ISCA1: variants seen among roughly 807,000 people sequenced by gnomAD.
ISCA1 encodes the protein iron-sulfur cluster assembly 1.
A neutral mutation model predicts 14.7 loss-of-function variants in ISCA1; 9 were observed. The observed-to-expected ratio is 0.61, with a 90% confidence interval of 0.37 to 1.07. The LOEUF (loss-of-function observed/expected upper bound fraction) is 1.07, where lower values mean the gene tolerates loss of function less well. Among genes scored for constraint, ISCA1 ranks in the 50% least tolerant of loss-of-function variants. ISCA1 has a pLI of 0.01. For missense variants in ISCA1, 102 were observed against 150.1 expected (o/e 0.68, Z 1.67); for synonymous variants, 38 against 54.3 (o/e 0.70, Z 1.32).
Position 86,282,502 on chromosome 9 carries a change from C to G in ISCA1, c.-44G>C, listed in dbSNP as rs1195493196. ...CCGGTGCCTCGGGCCGAAGGTCGGC[C>G]GCCTCAGCTTCTCTCCATGGACACG... is the stretch of plus-strand genomic sequence containing the variant. On this transcript the variant is annotated 5_prime_UTR_variant, in exon 1 of 4. Transcript: ENST00000375991. 6.5e-7 allele frequency: 1 copy of G among 1,549,760 alleles called. No individual in the cohort carries two copies. The highest frequency in any genetic ancestry group is 8.7e-7 in the Non-Finnish European group (1 of 1,146,684).
intron 1 of ISCA1, among the ~76,000 whole-genome samples, chr9:86,275,690 C>T (rs1402715229): frequency 6.6e-6 from 1 of 152,184 alleles, no homozygotes; most frequent in Non-Finnish European, 1.5e-5. Flanking sequence ...TTACATGTCA[C>T]TGTAAAAAAA....
rs12339970 is a variant in ISCA1, at chr9:86,282,237, G to C, written c.81+141C>G. ...GGGCCGGAGGCGAAGGAGGCGGCGA[G>C]GCTGTGCGGCGGGTCGGAGCGACGC... is the stretch of plus-strand genomic sequence containing the variant. On this transcript the variant is annotated intron_variant, in intron 1 of 3. Transcript: ENST00000375991. The C allele has an allele frequency of 4.2e-4, 365 of 870,528 alleles. 2 individuals are homozygous for C. In the African/African-American group the frequency reaches 5.5e-3, roughly 13 times the overall value. The allele number at this position is 870,528 out of a possible 1,614,324, so 53.9% of individuals were successfully genotyped here. A position where few individuals can be genotyped will look rare whatever the true frequency, so the allele number is the denominator to read the frequency against.
chr9:86,278,358 T>C (rs950175792), intron 1 of ISCA1, among the ~76,000 whole-genome samples: 4 of 152,152 alleles, frequency 2.6e-5, no homozygotes, highest in African/African-American at 7.2e-5. Flanking sequence ...CCAAAATACA[T>C]ATAATATACA....
intron 3 of ISCA1, among the ~76,000 whole-genome samples, chr9:86,271,142 G>C (rs1825364159): frequency 6.6e-6 from 1 of 151,894 alleles, no homozygotes; most frequent in Admixed American, 6.6e-5. Flanking sequence ...CTTTGTTTAG[G>C]TACGTTTACA....
At chr9:86,277,194 C>T (rs1825449216) in intron 1 of ISCA1, among the ~76,000 whole-genome samples, 1 of 152,188 alleles carries the variant, frequency 6.6e-6, no homozygotes, top group South Asian at 2.1e-4. Context: ...GTCTACTTAT[C>T]ACCAAGTTGC....
At chr9:86,270,903 T>C (rs1271623028) in intron 3 of ISCA1, among the ~76,000 whole-genome samples, 1 of 128,650 alleles carries the variant, frequency 7.8e-6, no homozygotes, top group Admixed American at 9.3e-5. Context: ...TGAGAACACA[T>C]GGACACAGGA....
intron 3 of ISCA1, among the ~76,000 whole-genome samples, chr9:86,267,964 C>T (rs1393280573): frequency 6.6e-6 from 1 of 151,644 alleles, no homozygotes. Flanking sequence ...TGTAAACAAA[C>T]CTATACTGCC....
Position 86,266,043 on chromosome 9 carries a change from T to A in ISCA1, c.390A>T (p.Ter130CysextTer34). The change falls in exon 4 of 4, where the codon TGA becomes TGT. Residue 130 changes from the stop codon to cysteine (C), a stop_lost. Transcript: ENST00000375991. ...CTACGGCCAGAAGAGTCCTGAGATT[T>A]CAAATATTAAAGCTTTCTCCACAGC... The part of the protein sequence containing the change: ...TCGCGESFNI[*>C] 6.2e-7 allele frequency: 1 copy of A among 1,611,828 alleles called. No individual in the cohort carries two copies. Among genetic ancestry groups the A allele is most frequent in the Non-Finnish European group, 8.5e-7 (1 of 1,179,790 alleles).
chr9:86,280,472 T>G (rs1271432747), intron 1 of ISCA1, among the ~76,000 whole-genome samples: 1 of 151,604 alleles, frequency 6.6e-6, no homozygotes, highest in Non-Finnish European at 1.5e-5. Context: ...GGTGGGCGTC[T>G]GTAATCCCAG....
At chr9:86,270,558 A>G (rs1389928771) in intron 3 of ISCA1, among the ~76,000 whole-genome samples, 3 of 151,454 alleles carry the variant, frequency 2.0e-5, no homozygotes, top group African/African-American at 4.8e-5. Flanking sequence ...ATCTAGAACT[A>G]GAAATACCAT....
intron 3 of ISCA1, chr9:86,267,470 A>G: frequency 1.0e-6 from 1 of 969,410 alleles, no homozygotes; most frequent in Non-Finnish European, 1.2e-6. Flanking sequence ...TGTAGGTAAG[A>G]ACTGCAAGCT....
intron 3 of ISCA1, among the ~76,000 whole-genome samples, chr9:86,270,928 T>A (rs1212824924): frequency 8.5e-6 from 1 of 117,422 alleles, no homozygotes; most frequent in African/African-American, 3.4e-5. Context: ...AACATCACAC[T>A]CTGGGGACTG....
At chr9:86,267,445 G>T (rs1587817421) in intron 3 of ISCA1, 9 of 952,376 alleles carry the variant, frequency 9.5e-6, no homozygotes, top group Non-Finnish European at 1.1e-5. Flanking sequence ...TAGGAATCTA[G>T]GCCTCATTCT....
At chr9:86,273,058 T>C (rs898360065) in intron 2 of ISCA1, among the ~76,000 whole-genome samples, 2 of 152,238 alleles carry the variant, frequency 1.3e-5, no homozygotes, top group Non-Finnish European at 2.9e-5. Flanking sequence ...AGCCGAATTC[T>C]TGTTTCATTA....
chr9:86,278,735 T>A (rs1383327284), intron 1 of ISCA1, among the ~76,000 whole-genome samples: 1 of 152,200 alleles, frequency 6.6e-6, no homozygotes, highest in East Asian at 1.9e-4. Flanking sequence ...TGAAACAATT[T>A]AACAAATTAT....
At chr9:86,279,174 T>C (rs1344954947) in intron 1 of ISCA1, among the ~76,000 whole-genome samples, 5 of 152,202 alleles carry the variant, frequency 3.3e-5, no homozygotes, top group East Asian at 1.9e-4. Context: ...TGGACTCCAA[T>C]AGAAAGTTAA....
intron 1 of ISCA1, among the ~76,000 whole-genome samples, chr9:86,279,795 A>G (rs536885431): frequency 6.9e-4 from 105 of 152,296 alleles, no homozygotes; most frequent in African/African-American, 2.3e-3. Flanking sequence ...CTACTTTTGC[A>G]CTTGACGATA....
intron 1 of ISCA1, chr9:86,282,093 A>C (rs975913846): frequency 1.1e-5 from 5 of 439,198 alleles, no homozygotes; most frequent in African/African-American, 6.3e-5. Context: ...GCCCCCGGGG[A>C]CGCCCACCCC....
At chr9:86,278,880 C>T (rs960768576) in intron 1 of ISCA1, among the ~76,000 whole-genome samples, 1 of 152,130 alleles carries the variant, frequency 6.6e-6, no homozygotes, top group Non-Finnish European at 1.5e-5. Flanking sequence ...ATAATTTGCA[C>T]AGCATAAGTC....
Sources: gnomAD v4.1 joint callset for allele counts (sites outside exome capture counted in the v4.1 genomes callset) on GRCh38, gnomAD v4.1.1 for gene constraint, MANE v1.5 for transcripts, NCBI Gene and HGNC (gene_info 2026-07-23, HGNC 2026-07-21) for gene names.